EZR: variants seen among roughly 807,000 people sequenced by gnomAD.
The protein encoded by EZR is cytovillin 2.
In EZR, 40 loss-of-function variants were observed where a neutral mutation model predicts 74.8. The observed-to-expected ratio is 0.53, with a 90% confidence interval of 0.42 to 0.70. The LOEUF (loss-of-function observed/expected upper bound fraction) is 0.70. Ranked by LOEUF, EZR falls within the 30% of genes least tolerant of loss-of-function variation. EZR has a pLI of 0.00. For missense variants in EZR, 678 were observed against 755.8 expected (o/e 0.90, Z 1.21); for synonymous variants, 341 against 283.3 (o/e 1.20, Z -2.05).
At chr6:158,790,456 C>T (rs964585692) in intron 2 of EZR, among the ~76,000 whole-genome samples, 8 of 152,254 alleles carry the variant, frequency 5.3e-5, no homozygotes, top group African/African-American at 1.7e-4. Context: ...AGGTGGACCA[C>T]TTGAGGTCAG....
intron 7 of EZR, among the ~76,000 whole-genome samples, chr6:158,777,999 G>A (rs1791328258): frequency 1.3e-5 from 2 of 152,096 alleles, no homozygotes; most frequent in South Asian, 4.2e-4. Flanking sequence ...ACAGGTTTCA[G>A]AGCATTAAAG....
At chr6:158,786,773 C>G (rs1383273098) in intron 4 of EZR, among the ~76,000 whole-genome samples, 2 of 152,132 alleles carry the variant, frequency 1.3e-5, no homozygotes, top group African/African-American at 4.8e-5. Context: ...TAATCTGTCA[C>G]AGGTTCAAAC....
intron 8 of EZR, among the ~76,000 whole-genome samples, chr6:158,774,709 A>G (rs960229460): frequency 8.1e-5 from 12 of 148,012 alleles, no homozygotes; most frequent in Non-Finnish European, 6.0e-5. Flanking sequence ...ACACACACAC[A>G]CACACGCACA....
intron 2 of EZR, among the ~76,000 whole-genome samples, chr6:158,816,460 A>G (rs1398594439): frequency 1.3e-5 from 2 of 152,180 alleles, no homozygotes; most frequent in Non-Finnish European, 2.9e-5. Context: ...CTCTTCTTTT[A>G]GTGAAATAAA....
intron 2 of EZR, among the ~76,000 whole-genome samples, chr6:158,800,643 A>C (rs1391026104): frequency 1.3e-5 from 2 of 152,220 alleles, no homozygotes; most frequent in Non-Finnish European, 2.9e-5. Flanking sequence ...TCCACTAAAA[A>C]TACAAAATAT....
chr6:158,776,447 G>A lies in EZR; in HGVS notation c.756C>T (p.Asp252=). 1 of 1,613,682 alleles carries A rather than the reference G, an allele frequency of 6.2e-7. No homozygotes were observed. The highest frequency in any genetic ancestry group is 8.5e-7 in the Non-Finnish European group (1 of 1,179,904). Residue 252 remains aspartate (D), a synonymous_variant, in exon 8 of 14, where the codon GAC becomes GAT. Coordinates refer to ENST00000367075, the MANE Select transcript of EZR (RefSeq NM_001111077.2). ...WSEIRNISFN[D]KKFVIKPIDK... is the part of the protein sequence containing the mutation. Reference sequence around the variant, plus strand: ...CGATGGGTTTAATGACAAACTTTTTGTCATTGAAAGAGATGTTCCTGATTT... The same window carrying A: ...CGATGGGTTTAATGACAAACTTTTTATCATTGAAAGAGATGTTCCTGATTT...
intron 2 of EZR, among the ~76,000 whole-genome samples, chr6:158,791,077 T>C (rs1461506075): frequency 1.3e-5 from 2 of 152,104 alleles, no homozygotes; most frequent in Non-Finnish European, 2.9e-5. Flanking sequence ...ACATAATTAG[T>C]CTCCCCAGCC....
intron 3 of EZR, 61 bp from the exon 4 acceptor site, chr6:158,787,264 T>C (rs932761230): frequency 1.5e-4 from 214 of 1,432,526 alleles, no homozygotes; most frequent in Non-Finnish European, 2.0e-4. Flanking sequence ...GGCAACAGCT[T>C]TTGGCTGTCG....
chr6:158,766,021 C>T lies in EZR; in HGVS notation c.*893G>A, dbSNP rs1790769724. The T allele has an allele frequency of 6.6e-6, 1 of 152,650 alleles. No homozygotes were observed. The highest frequency in any genetic ancestry group is 6.5e-5 in the Admixed American group (1 of 15,278). 9.5% of individuals were successfully genotyped at this position (152,650 alleles called of 1,614,324 possible). ...AATTAAAAGTGTGCATAGTCCATTA[C>T]ATGCATAAAACACTAATAATAATCC... On this transcript the variant is annotated 3_prime_UTR_variant, in exon 14 of 14. Transcript: ENST00000367075.
chr6:158,789,101 G>T (rs1791663458), intron 3 of EZR, among the ~76,000 whole-genome samples, 187 bp downstream of exon 3: 1 of 152,204 alleles, frequency 6.6e-6, no homozygotes, highest in African/African-American at 2.4e-5. Flanking sequence ...TCCTAGGCAT[G>T]ATATACTTGT....
chr6:158,797,518 TA>T (rs1361378108), intron 2 of EZR, among the ~76,000 whole-genome samples: 1 of 152,158 alleles, frequency 6.6e-6, no homozygotes, highest in East Asian at 1.9e-4. Flanking sequence ...TGACCTTCCA[TA>T]TCATTTAAAA....
intron 8 of EZR, among the ~76,000 whole-genome samples, 161 bp from the exon 9 acceptor site, chr6:158,771,568 T>C (rs949562810): frequency 2.0e-5 from 3 of 152,032 alleles, no homozygotes; most frequent in East Asian, 1.9e-4. Context: ...CCAGGACAGA[T>C]GGAGGAAGGG....
At chr6:158,784,610 T>C (rs1483294506) in intron 6 of EZR, 34 bp downstream of exon 6, 1 of 1,587,368 alleles carries the variant, frequency 6.3e-7, no homozygotes, top group Non-Finnish European at 8.7e-7. Flanking sequence ...CGCACGGAGA[T>C]GGCAAGATCC....
intron 8 of EZR, among the ~76,000 whole-genome samples, chr6:158,772,504 A>G (rs1469462598): frequency 6.6e-6 from 1 of 152,202 alleles, no homozygotes; most frequent in Non-Finnish European, 1.5e-5. Flanking sequence ...CACAGCGGTC[A>G]CTCCAATTGC....
rs1263873038 is a variant in EZR, at chr6:158,785,531, G to C, written c.245C>G (p.Ala82Gly). ...KENPLQFKFR[A>G]KFYPEDVAEE... The stretch of plus-strand genomic sequence containing the variant: ...AGCCACATCTTCAGGGTAGAACTTG[G>C]CCCGGAACTTGAACTGGAGGGGATT... The change falls in exon 5 of 14, where the codon GCC (alanine) becomes GGC (glycine). Residue 82 changes from alanine to glycine, a missense_variant. Physicochemically the swap from Ala to Gly is moderately conservative, Grantham distance 60. Transcript: ENST00000367075. 6.2e-7 allele frequency: 1 copy of C among 1,614,156 alleles called. No homozygotes were observed. The highest frequency in any genetic ancestry group is 1.7e-5 in the Admixed American group (1 of 60,010).
intron 2 of EZR, among the ~76,000 whole-genome samples, chr6:158,804,920 C>A (rs551012008): frequency 8.1e-6 from 1 of 123,692 alleles, no homozygotes; most frequent in East Asian, 2.6e-4. Context: ...CCCCTCCCCC[C>A]ACCCCACAAC....
intron 2 of EZR, among the ~76,000 whole-genome samples, chr6:158,800,741 G>T (rs1010974780): frequency 6.6e-6 from 1 of 152,158 alleles, no homozygotes; most frequent in East Asian, 1.9e-4. Flanking sequence ...GGTGGAGGCT[G>T]CAGTGTGCCG....
chr6:158,795,321 C>T (rs1777044400), intron 2 of EZR, among the ~76,000 whole-genome samples: 2 of 152,076 alleles, frequency 1.3e-5, no homozygotes, highest in South Asian at 2.1e-4. Context: ...GGCCTGTAAT[C>T]GCAGGACTTT....
At chr6:158,801,219 A>C (rs1171292657) in intron 2 of EZR, among the ~76,000 whole-genome samples, 1 of 152,168 alleles carries the variant, frequency 6.6e-6, no homozygotes, top group African/African-American at 2.4e-5. Context: ...GGTTCAAGCG[A>C]TTCTCCTGCC....
Sources: allele counts gnomAD v4.1 joint callset (sites outside exome capture counted in the v4.1 genomes callset), GRCh38; gene constraint gnomAD v4.1.1; transcripts MANE v1.5; gene names NCBI Gene and HGNC (gene_info 2026-07-23, HGNC 2026-07-21).